Variants in FNIP2 observed in about 807,000 individuals in gnomAD.
The protein encoded by FNIP2 is folliculin-interacting protein 2.
Under a neutral mutation model 108.7 loss-of-function variants are expected in FNIP2, and 32 were observed. That is an observed-to-expected ratio of 0.29 (90% CI 0.22 to 0.40). The LOEUF is 0.40. Among genes scored for constraint, FNIP2 ranks in the 10% least tolerant of loss-of-function variants. The probability of loss-of-function intolerance (pLI) is 1.00; values close to 1 mark genes in which losing one functional copy is unlikely to be tolerated. For missense variants in FNIP2, 1,202 were observed against 1,381.6 expected (o/e 0.87, Z 2.06); for synonymous variants, 480 against 496.7 (o/e 0.97, Z 0.45).
intron 2 of FNIP2, 44 bp from the exon 3 acceptor site, chr4:158,829,035 A>C (rs560822984): frequency 1.3e-6 from 2 of 1,496,074 alleles, no homozygotes; most frequent in African/African-American, 2.8e-5. Context: ...GACGAACCTG[A>C]TATACTTAGT....
At position 158,811,447 on chromosome 4, in the gene FNIP2, G is replaced by A. The variant is rs186281906; in HGVS notation, c.108-14469G>A. The stretch of plus-strand genomic sequence containing the variant: ...AAAATGGAAGGGACTTTGACTTGGG[G>A]ATCTTCTCTACCCTGATTTTATGAT... On this transcript the variant is annotated intron_variant, in intron 1 of 16. Transcript: ENST00000264433. Among the ~76,000 whole-genome samples the A allele has an allele frequency of 2.6e-5, 4 of 152,218 alleles. No homozygotes were observed. The East Asian group carries it at 7.7e-4, about 29-fold the overall frequency.
At chr4:158,860,360 G>A (rs1326455929) in intron 10 of FNIP2, among the ~76,000 whole-genome samples, 1 of 152,196 alleles carries the variant, frequency 6.6e-6, no homozygotes, top group Non-Finnish European at 1.5e-5. Flanking sequence ...ACACTTTTAT[G>A]ATGCTTAAAG....
intron 14 of FNIP2, among the ~76,000 whole-genome samples, chr4:158,885,352 G>A (rs543588626): frequency 1.3e-5 from 2 of 152,258 alleles, no homozygotes; most frequent in South Asian, 4.1e-4. Flanking sequence ...GTACAGATTG[G>A]GTGGGCCCAG....
intron 13 of FNIP2, among the ~76,000 whole-genome samples, chr4:158,870,086 A>G (rs1560819259): frequency 6.6e-6 from 1 of 152,218 alleles, no homozygotes; most frequent in Non-Finnish European, 1.5e-5. Context: ...TATGAGGTAC[A>G]AAAACAAACT....
intron 1 of FNIP2, among the ~76,000 whole-genome samples, chr4:158,780,512 A>T (rs1458413740): frequency 1.3e-5 from 2 of 152,186 alleles, no homozygotes; most frequent in Non-Finnish European, 2.9e-5. Context: ...TTATCCTTTG[A>T]TGATAGATAT....
Position 158,904,607 on chromosome 4 carries a change from G to C in FNIP2, c.*63G>C. The C allele has an allele frequency of 7.4e-7, 1 of 1,359,264 alleles. No homozygotes were observed. Among genetic ancestry groups the C allele is most frequent in the Non-Finnish European group, 1.0e-6 (1 of 958,054 alleles). The allele number at this position is 1,359,264 out of a possible 1,614,324, so 84.2% of individuals were successfully genotyped here. A position where few individuals can be genotyped will look rare whatever the true frequency, so the allele number is the denominator to read the frequency against. On this transcript the variant is annotated 3_prime_UTR_variant, in exon 17 of 17. Transcript: ENST00000264433. ...ATCAAATTCTCAACTGAAGGAGAAA[G>C]GAATAAGCTCTCTGTGATGTCAAAA...
intron 1 of FNIP2, among the ~76,000 whole-genome samples, chr4:158,780,968 G>T (rs1776023150): frequency 6.6e-6 from 1 of 151,578 alleles, no homozygotes. Flanking sequence ...CCCAGAGGCG[G>T]AGGTTGCAGT....
Position 158,859,093 on chromosome 4 carries a change from C to T in FNIP2, c.894C>T (p.Thr298=), listed in dbSNP as rs764940162. ...TDETFSLAEE[T]CSSNPAMVRR... ...AGACATTCAGCTTGGCTGAAGAAACCTGTAGCTCTAATCCAGCTATGGTTA... is the reference window on the plus strand; with the variant it reads ...AGACATTCAGCTTGGCTGAAGAAACTTGTAGCTCTAATCCAGCTATGGTTA... The change falls in exon 9 of 17, where the codon ACC becomes ACT. Residue 298 remains threonine, a synonymous_variant. Transcript: ENST00000264433. The T allele has an allele frequency of 4.3e-6, 7 of 1,613,972 alleles. No individual in the cohort carries two copies. Among genetic ancestry groups the T allele is most frequent in the Non-Finnish European group, 5.9e-6 (7 of 1,179,862 alleles).
chr4:158,890,267 A>T, intron 14 of FNIP2: 2 of 984,678 alleles, frequency 2.0e-6, no homozygotes, highest in South Asian at 9.4e-5. Flanking sequence ...ATCTTTTTAA[A>T]CCCTTATATT....
intron 9 of FNIP2, 79 bp from the exon 10 acceptor site, chr4:158,859,498 AT>A (rs998197892): frequency 1.1e-4 from 132 of 1,247,802 alleles, no homozygotes; most frequent in Middle Eastern, 1.9e-4. Flanking sequence ...TGATTACATA[AT>A]TTTTTTTATT....
At chr4:158,888,875 CAAAAAAAA>C (rs199499786) in intron 14 of FNIP2, among the ~76,000 whole-genome samples, 8,170 of 100,722 alleles carry the variant, frequency 0.081, 277 homozygotes, top group African/African-American at 0.13. Context: ...AAGACTGTCT[CAAAAAAAA>C]AAAAAAAAAG....
At chr4:158,873,301 C>G (rs139295337) in intron 14 of FNIP2, among the ~76,000 whole-genome samples, 2 of 152,248 alleles carry the variant, frequency 1.3e-5, no homozygotes, top group Non-Finnish European at 2.9e-5. Flanking sequence ...CTTTTCTAGA[C>G]CTGTGCACAA....
chr4:158,789,854 G>A (rs964661236), intron 1 of FNIP2, among the ~76,000 whole-genome samples: 2 of 151,604 alleles, frequency 1.3e-5, no homozygotes, highest in East Asian at 3.9e-4. Flanking sequence ...TGTTCTAGGC[G>A]AAATAATGCC....
At chr4:158,778,480 C>T (rs545013326) in intron 1 of FNIP2, among the ~76,000 whole-genome samples, 5 of 152,286 alleles carry the variant, frequency 3.3e-5, no homozygotes, top group Admixed American at 6.5e-5. Flanking sequence ...TCCACTGTCA[C>T]TTCATCTTAT....
rs763794862 is a variant in FNIP2 at position 158,868,292 on chromosome 4, G to A, written c.1656G>A (p.Lys552=). ...GEGDQVLNGS[K]IITALEKGEV... is the part of the protein sequence containing the mutation. ...GTGACCAAGTTTTAAATGGGAGCAA[G>A]ATCATAACAGCCTTGGAGAAAGGAG... The change falls in exon 13 of 17, where the codon AAG becomes AAA. Residue 552 remains lysine (K), a synonymous_variant. Coordinates refer to ENST00000264433, the MANE Select transcript of FNIP2 (RefSeq NM_020840.3). The surrounding 1 kb of genome is among the most constrained non-coding windows in gnomAD (Gnocchi z 4.6). 6.2e-7 allele frequency: 1 copy of A among 1,614,090 alleles called. No homozygotes were observed.
intron 1 of FNIP2, among the ~76,000 whole-genome samples, chr4:158,788,223 C>A (rs1359480470): frequency 6.6e-6 from 1 of 152,230 alleles, no homozygotes. Flanking sequence ...ACTCTGATTC[C>A]TGGAAGCCTT....
At chr4:158,793,718 G>A (rs1036442941) in intron 1 of FNIP2, among the ~76,000 whole-genome samples, 43 of 152,242 alleles carry the variant, frequency 2.8e-4, no homozygotes, top group African/African-American at 1.0e-3. Context: ...TGGGGGTTGT[G>A]GAGCTAGGTC....
At chr4:158,787,887 G>T (rs1776274384) in intron 1 of FNIP2, among the ~76,000 whole-genome samples, 1 of 152,130 alleles carries the variant, frequency 6.6e-6, no homozygotes, top group Non-Finnish European at 1.5e-5. Context: ...ATTTGTCTCA[G>T]TTCCTCAAAG....
chr4:158,892,351 T>C (rs1782333304), intron 15 of FNIP2, among the ~76,000 whole-genome samples: 1 of 152,074 alleles, frequency 6.6e-6, no homozygotes, highest in African/African-American at 2.4e-5. Flanking sequence ...CTCAGTCTGG[T>C]CTCGAGTTCC....
Sources: allele counts gnomAD v4.1 joint callset (sites outside exome capture counted in the v4.1 genomes callset), GRCh38; gene constraint gnomAD v4.1.1; non-coding constraint Gnocchi (gnomAD v3.1); transcripts MANE v1.5; gene names NCBI Gene and HGNC (gene_info 2026-07-23, HGNC 2026-07-21).